HS6ST3: variants seen among roughly 807,000 people sequenced by gnomAD.
The protein encoded by HS6ST3 is heparan-sulfate 6-O-sulfotransferase 3.
In HS6ST3, 12 loss-of-function variants were observed where a neutral mutation model predicts 36.7. The ratio of observed to expected loss-of-function variants is 0.33; its 90% confidence interval spans 0.21 to 0.53. The LOEUF (loss-of-function observed/expected upper bound fraction) is 0.53. Among genes scored for constraint, HS6ST3 ranks in the 20% least tolerant of loss-of-function variants. The pLI, the probability that HS6ST3 is intolerant of heterozygous loss-of-function variation, is 0.95. For missense variants in HS6ST3, 584 were observed against 640.9 expected, an observed-to-expected ratio of 0.91 and a Z score of 0.96; for synonymous variants, 240 against 257.5, an observed-to-expected ratio of 0.93 and a Z score of 0.65.
At chr13:96,281,744 A>G (rs2054777018) in intron 1 of HS6ST3, among the ~76,000 whole-genome samples, 1 of 152,170 alleles carries the variant, frequency 6.6e-6, no homozygotes, top group South Asian at 2.1e-4. Flanking sequence ...AAAATGAAGG[A>G]GTTATGTTGG....
chr13:96,726,088 G>A (rs1022139688), intron 1 of HS6ST3, among the ~76,000 whole-genome samples: 7 of 151,978 alleles, frequency 4.6e-5, no homozygotes, highest in Non-Finnish European at 5.9e-5. Flanking sequence ...CACCCTCCTC[G>A]GCCTCCCAAA....
chr13:96,583,255 C>A (rs558594593), intron 1 of HS6ST3, among the ~76,000 whole-genome samples: 9 of 106,918 alleles, frequency 8.4e-5, no homozygotes, highest in African/African-American at 3.3e-4. Flanking sequence ...GCTCTGTCAC[C>A]CAGGCTGGTG....
chr13:96,774,081 A>C (rs1216877482), intron 1 of HS6ST3, among the ~76,000 whole-genome samples: 1 of 152,168 alleles, frequency 6.6e-6, no homozygotes, highest in Non-Finnish European at 1.5e-5. Flanking sequence ...ATATGCAGAA[A>C]AGGGGCCTGA....
At chr13:96,615,816 C>T (rs2056472522) in intron 1 of HS6ST3, among the ~76,000 whole-genome samples, 1 of 152,168 alleles carries the variant, frequency 6.6e-6, no homozygotes. Context: ...GTACCAAAAG[C>T]TGATTTCATA....
intron 1 of HS6ST3, among the ~76,000 whole-genome samples, chr13:96,336,192 A>G (rs532039001): frequency 6.6e-6 from 1 of 152,344 alleles, no homozygotes; most frequent in African/African-American, 2.4e-5. Context: ...AACTAGTTCT[A>G]TAAGACTTTT....
At chr13:96,664,285 C>T (rs201304413) in intron 1 of HS6ST3, among the ~76,000 whole-genome samples, 1 of 152,110 alleles carries the variant, frequency 6.6e-6, no homozygotes, top group Admixed American at 6.5e-5. Flanking sequence ...CAGCTTTGCA[C>T]AGTGCTTGAT....
intron 1 of HS6ST3, among the ~76,000 whole-genome samples, chr13:96,252,228 CAAT>C: frequency 6.6e-6 from 1 of 152,274 alleles, no homozygotes; most frequent in Non-Finnish European, 1.5e-5. Context: ...TGTATATTTA[CAAT>C]TGATGTATTC....
intron 1 of HS6ST3, among the ~76,000 whole-genome samples, chr13:96,393,597 T>C (rs1287858877): frequency 6.6e-6 from 1 of 152,194 alleles, no homozygotes; most frequent in Non-Finnish European, 1.5e-5. Flanking sequence ...ATCTTGATGA[T>C]TTTACTTTTT....
At chr13:96,383,219 A>G (rs927492501) in intron 1 of HS6ST3, among the ~76,000 whole-genome samples, 5 of 152,132 alleles carry the variant, frequency 3.3e-5, no homozygotes, top group African/African-American at 1.2e-4. Context: ...TGGGAGGCCA[A>G]GGCAGGTGGA....
chr13:96,293,677 TCA>T (rs2054841048), intron 1 of HS6ST3, among the ~76,000 whole-genome samples: 1 of 152,132 alleles, frequency 6.6e-6, no homozygotes, highest in Non-Finnish European at 1.5e-5. Flanking sequence ...ACCATGATTC[TCA>T]GATATTCATG....
chr13:96,252,219 G>A (rs568696863), intron 1 of HS6ST3, among the ~76,000 whole-genome samples: 1 of 152,218 alleles, frequency 6.6e-6, no homozygotes, highest in Non-Finnish European at 1.5e-5. Flanking sequence ...TTGGGTACAT[G>A]TATATTTACA....
chr13:96,649,693 AG>A (rs2056600913), intron 1 of HS6ST3, among the ~76,000 whole-genome samples: 1 of 152,016 alleles, frequency 6.6e-6, no homozygotes, highest in African/African-American at 2.4e-5. Context: ...TTATGGTAGA[AG>A]CTGCTCAAGA....
intron 1 of HS6ST3, among the ~76,000 whole-genome samples, chr13:96,561,423 A>G (rs145116321): frequency 3.3e-5 from 5 of 152,292 alleles, no homozygotes; most frequent in African/African-American, 1.2e-4. Flanking sequence ...CCTCAAAACT[A>G]TAAGAATCCT....
chr13:96,593,338 C>T (rs1437499904), intron 1 of HS6ST3, among the ~76,000 whole-genome samples: 3 of 150,984 alleles, frequency 2.0e-5, no homozygotes, highest in African/African-American at 7.3e-5. Context: ...CGCACACCAC[C>T]ACGCCCAGCT....
At chr13:96,454,681 A>C (rs2055746187) in intron 1 of HS6ST3, among the ~76,000 whole-genome samples, 1 of 152,010 alleles carries the variant, frequency 6.6e-6, no homozygotes, top group African/African-American at 2.4e-5. Flanking sequence ...TTGCATTAGA[A>C]AAGTCAGATT....
chr13:96,580,392 G>GT (rs5805981), intron 1 of HS6ST3, among the ~76,000 whole-genome samples: 75,966 of 147,868 alleles, frequency 0.51, 19,756 homozygotes, highest in African/African-American at 0.56. Context: ...TCAACACTTT[G>GT]TTTTTTTTTT....
chr13:96,808,550 G>A (rs984170285), intron 1 of HS6ST3, among the ~76,000 whole-genome samples: 6 of 152,300 alleles, frequency 3.9e-5, no homozygotes, highest in East Asian at 3.9e-4. Context: ...GGATAGACAC[G>A]TGACTTGAAC....
At chr13:96,210,899 T>A (rs1195593522) in intron 1 of HS6ST3, among the ~76,000 whole-genome samples, 1 of 151,930 alleles carries the variant, frequency 6.6e-6, no homozygotes, top group Non-Finnish European at 1.5e-5. Context: ...CAGCCAGTGT[T>A]GTTATCAGTT....
intron 1 of HS6ST3, among the ~76,000 whole-genome samples, chr13:96,755,520 A>G (rs1365526978): frequency 6.6e-6 from 1 of 152,096 alleles, no homozygotes; most frequent in Non-Finnish European, 1.5e-5. Context: ...GCCAGCCACC[A>G]TGCCTGGCTA....
Sources: gnomAD v4.1 joint callset for allele counts (sites outside exome capture counted in the v4.1 genomes callset) on GRCh38, gnomAD v4.1.1 for gene constraint, MANE v1.5 for transcripts, NCBI Gene and HGNC (gene_info 2026-07-23, HGNC 2026-07-21) for gene names.